DIP2C: variants seen among roughly 807,000 people sequenced by gnomAD.
DIP2C encodes DIP2 acetate--CoA ligase C (putative).
In DIP2C, 33 loss-of-function variants were observed where a neutral mutation model predicts 192.4. That is an observed-to-expected ratio of 0.17 (90% CI 0.13 to 0.23). DIP2C has a LOEUF of 0.23. DIP2C is among the 10% of genes least tolerant of loss of function. The pLI is 1.00. For missense variants in DIP2C, 1,537 were observed against 2,110.1 expected (o/e 0.73, Z 5.32); for synonymous variants, 979 against 864.1 (o/e 1.13, Z -2.33).
chr10:502,206 GA>G (rs1845283886), intron 1 of DIP2C, among the ~76,000 whole-genome samples: 1 of 152,056 alleles, frequency 6.6e-6, no homozygotes, highest in African/African-American at 2.4e-5. Context: ...CCATCTCCCT[GA>G]TAAGCCCAAT....
intron 1 of DIP2C, among the ~76,000 whole-genome samples, chr10:546,217 GGTT>G (rs1848276682): frequency 6.7e-6 from 1 of 149,648 alleles, no homozygotes; most frequent in African/African-American, 2.5e-5. Context: ...GGGAAGCAGA[GGTT>G]GAAGTGAGCC....
chr10:349,274 C>T (rs142975352), intron 25 of DIP2C, 57 bp downstream of exon 25: 27,228 of 1,573,556 alleles, frequency 0.017, 289 homozygotes, highest in Non-Finnish European at 0.021. Flanking sequence ...GGGACCTCCT[C>T]GCACCGCGGC....
At chr10:673,093 AG>A (rs1830727042) in intron 1 of DIP2C, among the ~76,000 whole-genome samples, 1 of 152,116 alleles carries the variant, frequency 6.6e-6, no homozygotes, top group Non-Finnish European at 1.5e-5. Context: ...CTTGCTGCTC[AG>A]CTGGGAGGGG....
At chr10:331,226 A>T (rs1957494552) in intron 29 of DIP2C, among the ~76,000 whole-genome samples, 1 of 152,194 alleles carries the variant, frequency 6.6e-6, no homozygotes, top group South Asian at 2.1e-4. Flanking sequence ...CTCATCTAAA[A>T]ATTTTCATAA....
chr10:607,917 C>T (rs1430662887), intron 1 of DIP2C, among the ~76,000 whole-genome samples: 2 of 151,918 alleles, frequency 1.3e-5, no homozygotes, highest in Non-Finnish European at 2.9e-5. Context: ...TCTGTAATAA[C>T]CCACACCACA....
rs576568123 is a variant in DIP2C, at chr10:579,437, AAC to A, written c.86-92909_86-92908del. On this transcript the variant is annotated intron_variant, in intron 1 of 36. Coordinates refer to ENST00000280886, the MANE Select transcript of DIP2C (RefSeq NM_014974.3). ...TAGCGTATGTACATAGGTACACTAT[AAC>A]ACATGTGTACATGCATAGAGCGTAC... Among the ~76,000 whole-genome samples, 500 of 152,038 alleles carry A rather than the reference AAC, an allele frequency of 3.3e-3. 2 individuals carry two copies. The highest frequency in any genetic ancestry group is 9.9e-3 in the African/African-American group (410 of 41,468).
chr10:421,688 T>C (rs1966192556), intron 5 of DIP2C, among the ~76,000 whole-genome samples: 1 of 152,242 alleles, frequency 6.6e-6, no homozygotes, highest in South Asian at 2.1e-4. Context: ...TTACAGAGTA[T>C]TTCTATTTTC....
At position 378,710 on chromosome 10, in the gene DIP2C, T is replaced by C. The variant is rs565003061; in HGVS notation, c.1991+3937A>G. ...ACATGCATACACACATGAACAGATA[T>C]GCACAGACACGTGAACAGACATGCA... On this transcript the variant is annotated intron_variant, in intron 17 of 36. Transcript: ENST00000280886. 8.6e-5 allele frequency among the ~76,000 whole-genome samples: 13 copies of C among 150,480 alleles called. No homozygotes were observed. In the East Asian group the frequency reaches 2.4e-3, roughly 28 times the overall value.
intron 6 of DIP2C, among the ~76,000 whole-genome samples, chr10:417,227 T>TA (rs890239735): frequency 1.3e-5 from 2 of 152,096 alleles, no homozygotes; most frequent in Non-Finnish European, 2.9e-5. Context: ...CCCGAACTTC[T>TA]AGCTCATGAC....
intron 1 of DIP2C, among the ~76,000 whole-genome samples, chr10:677,315 C>T (rs1344257742): frequency 1.3e-5 from 2 of 152,188 alleles, no homozygotes; most frequent in South Asian, 4.1e-4. Context: ...AGTTTCAACC[C>T]CAGCACAATT....
At chr10:602,678 A>G (rs1852169504) in intron 1 of DIP2C, among the ~76,000 whole-genome samples, 1 of 152,096 alleles carries the variant, frequency 6.6e-6, no homozygotes, top group Non-Finnish European at 1.5e-5. Flanking sequence ...AGCAGCCCAG[A>G]CAGTCATGTT....
At chr10:508,311 G>T (rs1018057232) in intron 1 of DIP2C, among the ~76,000 whole-genome samples, 4 of 152,128 alleles carry the variant, frequency 2.6e-5, no homozygotes, top group Non-Finnish European at 4.4e-5. Flanking sequence ...GTGCAGCCTG[G>T]GCGCAGATCC....
intron 1 of DIP2C, among the ~76,000 whole-genome samples, chr10:657,396 C>T (rs28528269): frequency 2.5e-5 from 1 of 40,674 alleles, no homozygotes; most frequent in Non-Finnish European, 5.0e-5. Flanking sequence ...TGGACCTGCC[C>T]CTGGACCTGC....
chr10:556,971 G>C (rs1014261574), intron 1 of DIP2C, among the ~76,000 whole-genome samples: 1 of 152,152 alleles, frequency 6.6e-6, no homozygotes, highest in Admixed American at 6.5e-5. Context: ...ATTTTCCTCA[G>C]CTTTAAGACA....
chr10:665,478 G>C (rs781485040), intron 1 of DIP2C: 2 of 152,070 alleles, frequency 1.3e-5, no homozygotes, highest in Non-Finnish European at 2.9e-5. Flanking sequence ...AGTAGTTCCA[G>C]GAAACTTCAC....
At chr10:424,204 A>G (rs1320557259) in intron 4 of DIP2C, among the ~76,000 whole-genome samples, 2 of 152,100 alleles carry the variant, frequency 1.3e-5, no homozygotes, top group Non-Finnish European at 2.9e-5. Flanking sequence ...ATCTTAAGAC[A>G]CGGGTTTGTT....
At position 373,014 on chromosome 10, in the gene DIP2C, A is replaced by G. The variant is rs572026186; in HGVS notation, c.1992-3381T>C. 1.3e-5 allele frequency among the ~76,000 whole-genome samples: 2 copies of G among 152,324 alleles called. 1 individual carries two copies. The highest frequency in any genetic ancestry group is 4.1e-4 in the South Asian group (2 of 4,822). ...CATAGGGACTCGCTTAAAACTCACC[A>G]TAAGCCTATGGCTATTATTCCTCAC... On this transcript the variant is annotated intron_variant, in intron 17 of 36. Transcript: ENST00000280886.
At chr10:347,404 G>A (rs139277352) in intron 26 of DIP2C, among the ~76,000 whole-genome samples, 269 of 58,584 alleles carry the variant, frequency 4.6e-3, no homozygotes, top group African/African-American at 0.011. Context: ...ACACGCACCC[G>A]GACACATCGC....
chr10:605,340 T>C (rs1188800729), intron 1 of DIP2C, among the ~76,000 whole-genome samples: 2 of 152,230 alleles, frequency 1.3e-5, no homozygotes, highest in Non-Finnish European at 2.9e-5. Context: ...TTCATACAGA[T>C]TCCAGATTCA....
Sources: allele counts gnomAD v4.1 joint callset (sites outside exome capture counted in the v4.1 genomes callset), GRCh38; gene constraint gnomAD v4.1.1; transcripts MANE v1.5; gene names NCBI Gene and HGNC (gene_info 2026-07-23, HGNC 2026-07-21).